SLC30A9: variants seen among roughly 807,000 people sequenced by gnomAD.
SLC30A9 encodes solute carrier family 30 member 9, also known as proton-coupled zinc antiporter SLC30A9, mitochondrial.
SLC30A9 carries 58 observed loss-of-function variants against 87.5 expected under a neutral mutation model. That is an observed-to-expected ratio of 0.66 (90% CI 0.54 to 0.82). SLC30A9 has a LOEUF of 0.82. Ranked by LOEUF, SLC30A9 falls within the 40% of genes least tolerant of loss-of-function variation. The pLI is 0.00. For missense variants in SLC30A9, 557 were observed against 679.1 expected (o/e 0.82, Z 2.00); for synonymous variants, 234 against 233.0 (o/e 1.00, Z -0.04).
At chr4:42,030,618 T>A (rs1294349309) in intron 6 of SLC30A9, among the ~76,000 whole-genome samples, 3 of 149,168 alleles carry the variant, frequency 2.0e-5, no homozygotes, top group Non-Finnish European at 4.4e-5. Context: ...TCAAAGATAA[T>A]GGCCCATCAA....
chr4:42,008,050 GCTTCCGTATTCCT>G lies in SLC30A9; in HGVS notation c.274+6274_274+6286del, dbSNP rs1715288963. Among the ~76,000 whole-genome samples the G allele has an allele frequency of 2.0e-5, 3 of 152,206 alleles. No individual in the cohort carries two copies. The South Asian group carries it at 6.2e-4, about 32-fold the overall frequency. ...CTCAAAGTTCTTTCTAGCTGATCTGGCTTCCGTATTCCTCTTTATTTTCTTCTGCTACTCTCTT... is the reference window on the plus strand; with the variant it reads ...CTCAAAGTTCTTTCTAGCTGATCTGGCTTTATTTTCTTCTGCTACTCTCTT... On this transcript the variant is annotated intron_variant, in intron 2 of 17. Coordinates refer to ENST00000264451, the MANE Select transcript of SLC30A9 (RefSeq NM_006345.4).
intron 3 of SLC30A9, among the ~76,000 whole-genome samples, chr4:42,018,776 G>A (rs866922627): frequency 7.9e-5 from 12 of 152,272 alleles, no homozygotes; most frequent in East Asian, 1.9e-4. Flanking sequence ...ACGTGGTGCT[G>A]AAAATGAGAC....
chr4:42,065,308 A>G lies in SLC30A9; in HGVS notation c.1033-2A>G. 2 of 1,305,826 alleles carry G rather than the reference A, an allele frequency of 1.5e-6. No homozygotes were observed. The allele number at this position is 1,305,826 out of a possible 1,614,324, so 80.9% of individuals were successfully genotyped here. ...TGCTTTATTTTAATATTTCTTTTCT[A>G]GGCATATTGTATTTTAGCAGGATCA... On this transcript the variant is annotated splice_acceptor_variant, in intron 11 of 17. Transcript: ENST00000264451. LOFTEE classifies it high-confidence loss of function.
intron 16 of SLC30A9, 99 bp downstream of exon 16, chr4:42,075,885 T>TA: frequency 8.5e-7 from 1 of 1,179,562 alleles, no homozygotes; most frequent in Non-Finnish European, 1.2e-6. Context: ...AAAGGCACTT[T>TA]AGCTCTCAAC....
At chr4:42,082,126 A>G (rs1261750604) in intron 17 of SLC30A9, among the ~76,000 whole-genome samples, 1 of 152,076 alleles carries the variant, frequency 6.6e-6, no homozygotes, top group Non-Finnish European at 1.5e-5. Flanking sequence ...CTGAGGCAGG[A>G]GAATGGCATG....
At chr4:42,041,200 G>C (rs1172465783) in intron 8 of SLC30A9, among the ~76,000 whole-genome samples, 1 of 152,120 alleles carries the variant, frequency 6.6e-6, no homozygotes, top group Non-Finnish European at 1.5e-5. Context: ...AAACATGTGG[G>C]AATTATAGGA....
intron 12 of SLC30A9, 29 bp from the exon 13 acceptor site, chr4:42,066,521 T>G (rs1174135462): frequency 1.3e-6 from 2 of 1,502,694 alleles, no homozygotes; most frequent in Non-Finnish European, 1.8e-6. Flanking sequence ...GAAGTTTCTG[T>G]CTTGCTGATA....
At chr4:42,054,493 A>T (rs892228687) in intron 9 of SLC30A9, among the ~76,000 whole-genome samples, 8 of 143,816 alleles carry the variant, frequency 5.6e-5, no homozygotes, top group East Asian at 2.0e-4. Flanking sequence ...ATTAGTATTG[A>T]TTTTTTTTTT....
At chr4:42,026,976 TC>T (rs1441904897) in intron 6 of SLC30A9, among the ~76,000 whole-genome samples, 1 of 152,100 alleles carries the variant, frequency 6.6e-6, no homozygotes, top group African/African-American at 2.4e-5. Flanking sequence ...TAGTTTTGGA[TC>T]TTAGTGTAAT....
At chr4:41,997,118 C>T (rs958442680) in intron 1 of SLC30A9, among the ~76,000 whole-genome samples, 2 of 150,694 alleles carry the variant, frequency 1.3e-5, no homozygotes, top group African/African-American at 4.9e-5. Context: ...TGTCAAGATG[C>T]AGTCTAGGAA....
At chr4:42,057,881 A>G (rs1717682710) in intron 9 of SLC30A9, among the ~76,000 whole-genome samples, 1 of 152,098 alleles carries the variant, frequency 6.6e-6, no homozygotes, top group South Asian at 2.1e-4. Flanking sequence ...AGGCGGGCGG[A>G]TCACGAGGTG....
intron 2 of SLC30A9, among the ~76,000 whole-genome samples, chr4:42,016,808 TC>T (rs1715741767): frequency 6.7e-6 from 1 of 149,056 alleles, no homozygotes; most frequent in Non-Finnish European, 1.5e-5. Context: ...TATCTATCTA[TC>T]TATCTATCTA....
chr4:42,059,960 T>G (rs1717777058), intron 9 of SLC30A9, among the ~76,000 whole-genome samples: 1 of 152,212 alleles, frequency 6.6e-6, no homozygotes, highest in Non-Finnish European at 1.5e-5. Context: ...TGGATTTTTT[T>G]TAGGTTGCTT....
chr4:42,062,935 A>G (rs773323366), intron 10 of SLC30A9, 51 bp from the exon 11 acceptor site: 3 of 1,525,802 alleles, frequency 2.0e-6, no homozygotes, highest in African/African-American at 1.4e-5. Context: ...CATATATTTT[A>G]AAAGAAACCA....
chr4:42,030,677 T>C (rs1716397359), intron 6 of SLC30A9, among the ~76,000 whole-genome samples: 1 of 152,054 alleles, frequency 6.6e-6, no homozygotes, highest in Non-Finnish European at 1.5e-5. Context: ...TGTTAGGTCT[T>C]ACTTTATTAT....
At chr4:42,013,960 A>G (rs932195304) in intron 2 of SLC30A9, among the ~76,000 whole-genome samples, 5 of 152,224 alleles carry the variant, frequency 3.3e-5, no homozygotes, top group Admixed American at 2.6e-4. Flanking sequence ...GAGACAACCC[A>G]TAAAATGGGA....
At chr4:42,000,609 C>T (rs185639567) in intron 1 of SLC30A9, among the ~76,000 whole-genome samples, 140 of 152,120 alleles carry the variant, frequency 9.2e-4, no homozygotes, top group Non-Finnish European at 1.4e-3. Context: ...TCCCTTATGT[C>T]CTTTGTGCTC....
At chr4:42,038,672 G>C (rs1368183029) in intron 7 of SLC30A9, among the ~76,000 whole-genome samples, 1 of 152,174 alleles carries the variant, frequency 6.6e-6, no homozygotes, top group Non-Finnish European at 1.5e-5. Flanking sequence ...CACATTCTTA[G>C]AGCATATGAA....
Position 41,990,758 on chromosome 4 carries a change from A to C in SLC30A9, c.107A>C (p.Gln36Pro), listed in dbSNP as rs765338091. The C allele has an allele frequency of 6.0e-5, 96 of 1,607,744 alleles. No individual in the cohort carries two copies. The highest frequency in any genetic ancestry group is 8.0e-5 in the Non-Finnish European group (94 of 1,176,788). The change falls in exon 1 of 18, where the codon CAG becomes CCG. Residue 36 changes from glutamine (Q) to proline (P), a missense_variant and splice_region_variant. Physicochemically the swap from Gln to Pro is moderately conservative, Grantham distance 76. Transcript: ENST00000264451. ...GCGGCCTGTAATCCCAGCGACCGCCAGGGTGAGTGTCCCGCGCTGGCCGCT... is the reference window on the plus strand; with the variant it reads ...GCGGCCTGTAATCCCAGCGACCGCCCGGGTGAGTGTCCCGCGCTGGCCGCT... ...RAAACNPSDR[Q>P]EWQNLVTFGS...
Sources: allele counts gnomAD v4.1 joint callset (sites outside exome capture counted in the v4.1 genomes callset), GRCh38; gene constraint gnomAD v4.1.1; transcripts MANE v1.5; gene names NCBI Gene and HGNC (gene_info 2026-07-23, HGNC 2026-07-21).